Variants in PLEKHM3 observed in about 807,000 individuals in gnomAD.
The protein encoded by PLEKHM3 is pleckstrin homology domain containing M3, also known as pleckstrin homology domain-containing family M member 3.
In PLEKHM3, 45 loss-of-function variants were observed where a neutral mutation model predicts 81.8. The observed-to-expected ratio is 0.55, with a 90% CI of 0.43 to 0.71. The LOEUF is 0.71. Among genes scored for constraint, PLEKHM3 ranks in the 30% least tolerant of loss-of-function variants. The pLI is 0.00. For missense variants in PLEKHM3, 788 were observed against 924.3 expected (o/e 0.85, Z 1.91); for synonymous variants, 352 against 356.4 (o/e 0.99, Z 0.14).
rs115165986 is a variant in PLEKHM3 at position 207,938,088 on chromosome 2, T to C, written c.1693-6969A>G. ...GGAAAACCCCTAGCTAAATGGAATGTGAATATTCAAGCTAGGATACAAATA... is the reference window on the plus strand; with the variant it reads ...GGAAAACCCCTAGCTAAATGGAATGCGAATATTCAAGCTAGGATACAAATA... On this transcript the variant is annotated intron_variant, in intron 4 of 7. Transcript: ENST00000427836. Among the ~76,000 whole-genome samples, 415 of 152,354 alleles carry C rather than the reference T, an allele frequency of 2.7e-3. 6 individuals are homozygous for C. The highest frequency in any genetic ancestry group is 9.5e-3 in the African/African-American group (394 of 41,586).
chr2:207,875,619 T>C (rs2092556200), intron 6 of PLEKHM3, among the ~76,000 whole-genome samples: 1 of 152,204 alleles, frequency 6.6e-6, no homozygotes, highest in African/African-American at 2.4e-5. Flanking sequence ...CACTGCAGTA[T>C]AGGTCCTCAA....
rs955486368 is a variant in PLEKHM3 at position 207,996,933 on chromosome 2, CT to C, written c.610+4096del. ...GTACTGAACATGGTTCTAAGAAGCA[CT>C]TTAGATGTTTTAACCCATTTAATGC... On this transcript the variant is annotated intron_variant, in intron 2 of 7. Coordinates refer to ENST00000427836, the MANE Select transcript of PLEKHM3 (RefSeq NM_001080475.3). Among the ~76,000 whole-genome samples, 11 of 151,100 alleles carry C rather than the reference CT, an allele frequency of 7.3e-5. No individual in the cohort carries two copies. In the East Asian group the frequency reaches 7.8e-4, roughly 11 times the overall value.
intron 4 of PLEKHM3, among the ~76,000 whole-genome samples, chr2:207,939,527 G>A (rs1256591548): frequency 6.6e-6 from 1 of 152,186 alleles, no homozygotes; most frequent in Non-Finnish European, 1.5e-5. Flanking sequence ...TAAGAGAATT[G>A]TATTTGTCCT....
At chr2:207,957,570 A>G (rs1343217655) in intron 3 of PLEKHM3, among the ~76,000 whole-genome samples, 2 of 152,084 alleles carry the variant, frequency 1.3e-5, no homozygotes, top group Non-Finnish European at 2.9e-5. Context: ...TGGTGGCAGG[A>G]GCCTGTAATC....
chr2:207,847,590 A>G (rs1051111082), intron 7 of PLEKHM3, among the ~76,000 whole-genome samples: 2 of 152,156 alleles, frequency 1.3e-5, no homozygotes, highest in Non-Finnish European at 2.9e-5. Flanking sequence ...TTCTATCTCT[A>G]TTAGTTTATA....
At chr2:208,008,923 C>A (rs1043561672) in intron 1 of PLEKHM3, among the ~76,000 whole-genome samples, 86 of 152,336 alleles carry the variant, frequency 5.6e-4, no homozygotes, top group African/African-American at 1.8e-3. Flanking sequence ...AAATTTCTAC[C>A]TTCAGTCTCA....
chr2:207,887,019 G>A (rs1687904459), intron 6 of PLEKHM3, among the ~76,000 whole-genome samples: 2 of 152,240 alleles, frequency 1.3e-5, no homozygotes, highest in African/African-American at 2.4e-5. Context: ...AAGATCAAAC[G>A]AGTACAGTAT....
intron 3 of PLEKHM3, among the ~76,000 whole-genome samples, chr2:207,951,129 C>T (rs958508085): frequency 1.3e-5 from 2 of 152,108 alleles, no homozygotes; most frequent in Admixed American, 1.3e-4. Flanking sequence ...AACAATTCCC[C>T]ATAAAAATAC....
chr2:207,897,958 T>G (rs962865216), intron 6 of PLEKHM3, among the ~76,000 whole-genome samples: 1 of 152,184 alleles, frequency 6.6e-6, no homozygotes, highest in Non-Finnish European at 1.5e-5. Flanking sequence ...CCTTGCAAAG[T>G]GACCTGGAAT....
intron 2 of PLEKHM3, among the ~76,000 whole-genome samples, chr2:207,991,751 G>A (rs1214860833): frequency 1.3e-5 from 2 of 152,134 alleles, no homozygotes; most frequent in African/African-American, 4.8e-5. Context: ...TTGTACCAAT[G>A]ATGGGAGAGA....
intron 6 of PLEKHM3, among the ~76,000 whole-genome samples, chr2:207,895,404 C>T (rs1452994268): frequency 6.6e-6 from 1 of 152,162 alleles, no homozygotes; most frequent in Non-Finnish European, 1.5e-5. Context: ...AACTCAAATC[C>T]GTAGTTTTAT....
In PLEKHM3 at chr2:207,828,221, A is replaced by T; in HGVS notation, c.*98T>A. ...CTATATCTAGTTGAAGAGGATACAT[A>T]CTCTTCTTCCAAAGGGGTCTAACTG... is the stretch of plus-strand genomic sequence containing the variant. On this transcript the variant is annotated 3_prime_UTR_variant, in exon 8 of 8. Transcript: ENST00000427836. The T allele has an allele frequency of 8.6e-7, 1 of 1,167,460 alleles. No individual in the cohort carries two copies. Among genetic ancestry groups the T allele is most frequent in the Non-Finnish European group, 1.2e-6 (1 of 820,674 alleles). The allele number at this position is 1,167,460 out of a possible 1,614,324, so 72.3% of individuals were successfully genotyped here.
intron 6 of PLEKHM3, among the ~76,000 whole-genome samples, chr2:207,862,367 T>C (rs1308595054): frequency 1.3e-5 from 2 of 152,208 alleles, no homozygotes; most frequent in Non-Finnish European, 2.9e-5. Context: ...CTGGGTGCTA[T>C]GGCTCACGCT....
At chr2:207,855,774 C>T (rs538264267) in intron 7 of PLEKHM3, among the ~76,000 whole-genome samples, 21 of 152,312 alleles carry the variant, frequency 1.4e-4, no homozygotes, top group Middle Eastern at 3.4e-3. Context: ...CTGACCAGTA[C>T]TTCTCAAAAC....
At chr2:207,910,215 A>G (rs970072608) in intron 5 of PLEKHM3, among the ~76,000 whole-genome samples, 1 of 152,212 alleles carries the variant, frequency 6.6e-6, no homozygotes, top group East Asian at 1.9e-4. Context: ...GGTCCAGCAC[A>G]GCTGGGCAGG....
chr2:207,991,020 T>C (rs921436160), intron 2 of PLEKHM3, among the ~76,000 whole-genome samples: 3 of 152,174 alleles, frequency 2.0e-5, no homozygotes, highest in African/African-American at 4.8e-5. Context: ...CATAAGTCAA[T>C]ACATTCCTGG....
intron 2 of PLEKHM3, among the ~76,000 whole-genome samples, chr2:207,994,465 G>C (rs745701589): frequency 4.6e-5 from 7 of 152,090 alleles, no homozygotes; most frequent in Non-Finnish European, 7.4e-5. Flanking sequence ...ATACAACTAA[G>C]AGCAGTGCTA....
intron 7 of PLEKHM3, among the ~76,000 whole-genome samples, chr2:207,838,749 A>G (rs376112517): frequency 6.6e-6 from 1 of 152,196 alleles, no homozygotes; most frequent in Non-Finnish European, 1.5e-5. Context: ...CCACCTTGGT[A>G]TTTAGGAAAA....
intron 6 of PLEKHM3, among the ~76,000 whole-genome samples, chr2:207,901,756 G>T (rs1414913407): frequency 6.6e-6 from 1 of 152,168 alleles, no homozygotes; most frequent in African/African-American, 2.4e-5. Context: ...GGCATAATTT[G>T]TTCCCCAAAT....
Sources: gnomAD v4.1 joint callset for allele counts (sites outside exome capture counted in the v4.1 genomes callset) on GRCh38, gnomAD v4.1.1 for gene constraint, MANE v1.5 for transcripts, NCBI Gene and HGNC (gene_info 2026-07-23, HGNC 2026-07-21) for gene names.